Variants in TRAP1 observed in about 807,000 individuals in gnomAD.
The protein encoded by TRAP1 is heat shock protein 75 kDa, mitochondrial.
TRAP1 carries 102 observed loss-of-function variants against 89.1 expected under a neutral mutation model. The ratio of observed to expected loss-of-function variants is 1.15; its 90% CI spans 0.98 to 1.35. TRAP1 has a LOEUF of 1.35. Ranked by LOEUF, TRAP1 falls within the 40% of genes most tolerant of loss-of-function variation. TRAP1 has a pLI of 0.00. For missense variants in TRAP1, 1,256 were observed against 945.3 expected, an observed-to-expected ratio of 1.33 and a Z score of -4.31; for synonymous variants, 508 against 388.0, an observed-to-expected ratio of 1.31 and a Z score of -3.64.
At chr16:3,715,548 T>TCACAAACACCTGTGGACGCGAGAC (rs2051587063) in intron 1 of TRAP1, among the ~76,000 whole-genome samples, 1 of 152,066 alleles carries the variant, frequency 6.6e-6, no homozygotes, top group Non-Finnish European at 1.5e-5. Flanking sequence ...AAAGCATGAA[T>TCACAAACACCTGTGGACGCGAGAC]CACAAACACC....
At chr16:3,706,443 G>A (rs1329189561) in intron 1 of TRAP1, among the ~76,000 whole-genome samples, 4 of 148,076 alleles carry the variant, frequency 2.7e-5, no homozygotes, top group Non-Finnish European at 4.5e-5. Flanking sequence ...ACCACTCCTG[G>A]CCTATTTGCA....
intron 4 of TRAP1, 70 bp downstream of exon 4, chr16:3,685,926 C>G: frequency 6.4e-7 from 1 of 1,552,136 alleles, no homozygotes; most frequent in Non-Finnish European, 8.8e-7. Context: ...CCCGAGACAT[C>G]ACTAGAAGGC....
At chr16:3,676,375 CG>C (rs1184367750) in intron 6 of TRAP1, 1,330 of 5,898 alleles carry the variant, frequency 0.23, 22 homozygotes, top group African/African-American at 0.39. Context: ...GGGCGGGGGG[CG>C]GGGGGGCGGG....
At chr16:3,659,406 C>T (rs2042933324) in intron 16 of TRAP1, 2 of 152,178 alleles carry the variant, frequency 1.3e-5, no homozygotes, top group Non-Finnish European at 2.9e-5. Context: ...CCAGAGGGAT[C>T]AAAGATGACA....
At chr16:3,668,389 AATGT>A (rs1235207421) in intron 11 of TRAP1, among the ~76,000 whole-genome samples, 1 of 152,202 alleles carries the variant, frequency 6.6e-6, no homozygotes, top group Non-Finnish European at 1.5e-5. Context: ...TAAATAAATG[AATGT>A]ATTGAGAGTT....
chr16:3,691,004 A>G lies in TRAP1; in HGVS notation c.89-19T>C. On this transcript the variant is annotated intron_variant, in intron 1 of 17. Transcript: ENST00000246957. ...GGTTTTCCTGAAAAGACAAATATGCAGAAAGAATGAGAATTAGGAAGACAC... is the reference window on the plus strand; with the variant it reads ...GGTTTTCCTGAAAAGACAAATATGCGGAAAGAATGAGAATTAGGAAGACAC... 6.9e-7 allele frequency: 1 copy of G among 1,458,598 alleles called. No individual in the cohort carries two copies. The highest frequency in any genetic ancestry group is 9.1e-7 in the Non-Finnish European group (1 of 1,096,970). 90.4% of individuals were successfully genotyped at this position (1,458,598 alleles called of 1,614,324 possible). A position where few individuals can be genotyped will look rare whatever the true frequency, so the allele number is the denominator to read the frequency against.
chr16:3,676,230 TC>T, intron 6 of TRAP1, 85 bp from the exon 7 acceptor site: 2 of 1,191,120 alleles, frequency 1.7e-6, no homozygotes, highest in Non-Finnish European at 2.4e-6. Flanking sequence ...CCCGAGGGTT[TC>T]ATAGGCAGAG....
chr16:3,687,826 C>T (rs1208113022), intron 3 of TRAP1, among the ~76,000 whole-genome samples: 5 of 143,094 alleles, frequency 3.5e-5, no homozygotes, highest in South Asian at 2.3e-4. Context: ...CCAGCCTGGG[C>T]GTCAGACCCA....
In TRAP1 at chr16:3,662,083, A is replaced by G. The variant is rs775116992; in HGVS notation, c.1844T>C (p.Met615Thr). Residue 615 changes from methionine to threonine, a missense_variant, in exon 16 of 18, where the codon ATG (methionine) becomes ACG (threonine). Coordinates refer to ENST00000246957, the MANE Select transcript of TRAP1 (RefSeq NM_016292.3). ...THPAMVTVLE[M>T]GAARHFLRMQ... The stretch of plus-strand genomic sequence containing the variant: ...GCGCAGGAAGTGGCGGGCAGCCCCC[A>G]TCTCCAGCACGGTGACCATGGCAGG... 1 of 1,613,006 alleles carries G rather than the reference A, an allele frequency of 6.2e-7. No individual in the cohort carries two copies. The highest frequency in any genetic ancestry group is 8.5e-7 in the Non-Finnish European group (1 of 1,179,816).
intron 1 of TRAP1, among the ~76,000 whole-genome samples, chr16:3,704,733 G>A (rs887532296): frequency 1.3e-5 from 2 of 152,096 alleles, no homozygotes; most frequent in Admixed American, 6.6e-5. Context: ...TTAATTTCCA[G>A]CAGGGCACAG....
intron 1 of TRAP1, among the ~76,000 whole-genome samples, chr16:3,701,654 C>G (rs1165037060): frequency 6.6e-6 from 1 of 151,728 alleles, no homozygotes; most frequent in African/African-American, 2.4e-5. Context: ...GAGCACCAAA[C>G]TATATATGAA....
chr16:3,690,782 G>T (rs1596733228), intron 2 of TRAP1, 45 bp downstream of exon 2: 1 of 1,347,574 alleles, frequency 7.4e-7, no homozygotes, highest in East Asian at 2.8e-5. Flanking sequence ...ACGCACAGCA[G>T]TGAACCAAAA....
chr16:3,677,656 G>A lies in TRAP1; in HGVS notation c.546C>T (p.Ala182=). Residue 182 remains alanine (A), a splice_region_variant and synonymous_variant, in exon 6 of 18, where the codon GCC becomes GCT. Transcript: ENST00000246957. ...LGTIARSGSK[A]FLDALQNQAE... is the part of the protein sequence containing the mutation. ...CCTGGTTCTGCAGAGCATCCAGGAA[G>A]GCCTGTGGGGCAGAGGCCAGTTAGT... 1 of 1,613,256 alleles carries A rather than the reference G, an allele frequency of 6.2e-7. No homozygotes were observed. The highest frequency in any genetic ancestry group is 8.5e-7 in the Non-Finnish European group (1 of 1,179,794).
chr16:3,701,552 A>G (rs2051365358), intron 1 of TRAP1, among the ~76,000 whole-genome samples: 1 of 144,212 alleles, frequency 6.9e-6, no homozygotes, highest in Non-Finnish European at 1.5e-5. Context: ...CCCTGTCCCA[A>G]AAAAAAAAAA....
chr16:3,675,758 C>T (rs965059497), intron 7 of TRAP1, among the ~76,000 whole-genome samples: 13 of 152,212 alleles, frequency 8.5e-5, no homozygotes, highest in Admixed American at 1.3e-4. Flanking sequence ...GACAGGACTG[C>T]GCCAAACCCC....
intron 4 of TRAP1, among the ~76,000 whole-genome samples, chr16:3,681,507 C>T (rs969524919): frequency 6.6e-6 from 1 of 152,204 alleles, no homozygotes; most frequent in South Asian, 2.1e-4. Context: ...CAGCAGCCAA[C>T]AAGAAACATG....
At chr16:3,707,705 T>A (rs1416958598) in intron 1 of TRAP1, among the ~76,000 whole-genome samples, 1 of 150,304 alleles carries the variant, frequency 6.7e-6, no homozygotes, top group Admixed American at 6.6e-5. Flanking sequence ...AATACAAAAA[T>A]TAGCTGGGAG....
intron 1 of TRAP1, among the ~76,000 whole-genome samples, chr16:3,699,110 C>T (rs2051330259): frequency 6.6e-6 from 1 of 152,060 alleles, no homozygotes; most frequent in Admixed American, 6.6e-5. Flanking sequence ...GAATGTGACA[C>T]CACACACCCC....
At chr16:3,669,120 G>A (rs2050876058) in intron 11 of TRAP1, among the ~76,000 whole-genome samples, 1 of 152,214 alleles carries the variant, frequency 6.6e-6, no homozygotes, top group Non-Finnish European at 1.5e-5. Context: ...GGACAAGGTG[G>A]GGACAACTCC....
Sources: allele counts gnomAD v4.1 joint callset (sites outside exome capture counted in the v4.1 genomes callset), GRCh38; gene constraint gnomAD v4.1.1; transcripts MANE v1.5; gene names NCBI Gene and HGNC (gene_info 2026-07-23, HGNC 2026-07-21).